The following ARHGAP18 variants were observed in gnomAD, a reference collection of about 807,000 sequenced individuals.
ARHGAP18 encodes the protein Rho GTPase activating protein 18.
Under a neutral mutation model 86.2 loss-of-function variants are expected in ARHGAP18, and 67 were observed. That is an observed-to-expected ratio of 0.78 (90% confidence interval 0.64 to 0.95). ARHGAP18 has a LOEUF of 0.95. ARHGAP18 is among the 40% of genes least tolerant of loss of function. ARHGAP18 has a pLI of 0.00. For synonymous variants in ARHGAP18, 283 were observed against 280.4 expected, an observed-to-expected ratio of 1.01 and a Z score of -0.09; for missense variants, 691 against 780.4, an observed-to-expected ratio of 0.89 and a Z score of 1.37.
chr6:129,583,104 G>T (rs1337945844), intron 13 of ARHGAP18, among the ~76,000 whole-genome samples: 1 of 152,178 alleles, frequency 6.6e-6, no homozygotes, highest in Admixed American at 6.5e-5. Flanking sequence ...AAGCTTGATT[G>T]AAGCCCCCAA....
chr6:129,593,382 G>T (rs996809938), intron 12 of ARHGAP18, among the ~76,000 whole-genome samples: 1 of 152,068 alleles, frequency 6.6e-6, no homozygotes, highest in African/African-American at 2.4e-5. Flanking sequence ...GATCCCTTGA[G>T]CCTGCAACTT....
intron 1 of ARHGAP18, among the ~76,000 whole-genome samples, chr6:129,668,498 C>T (rs1400773484): frequency 6.6e-6 from 1 of 152,096 alleles, no homozygotes; most frequent in Non-Finnish European, 1.5e-5. Flanking sequence ...AGTCCCAGGG[C>T]AGCCTGGTCC....
Position 129,611,439 on chromosome 6 carries a change from T to C in ARHGAP18, c.1122+94A>G, listed in dbSNP as rs1432424764. ...TTTATTTTATCTACTTTACTAACAA[T>C]GGAAAAAAGGGGTAGAGAGGACAAG... On this transcript the variant is annotated intron_variant, in intron 8 of 14. Coordinates refer to ENST00000368149, the MANE Select transcript of ARHGAP18 (RefSeq NM_033515.3). 1.9e-6 allele frequency: 2 copies of C among 1,027,110 alleles called. 1 individual carries two copies. The allele number at this position is 1,027,110 out of a possible 1,614,324, so 63.6% of individuals were successfully genotyped here. A position where few individuals can be genotyped will look rare whatever the true frequency, so the allele number is the denominator to read the frequency against.
At chr6:129,697,011 C>A (rs781058744) in intron 1 of ARHGAP18, among the ~76,000 whole-genome samples, 1 of 152,204 alleles carries the variant, frequency 6.6e-6, no homozygotes, top group Non-Finnish European at 1.5e-5. Flanking sequence ...TAGAACACAG[C>A]CAAGTGACAA....
intron 1 of ARHGAP18, among the ~76,000 whole-genome samples, chr6:129,683,064 T>G (rs1227711193): frequency 2.7e-5 from 4 of 150,192 alleles, no homozygotes; most frequent in Admixed American, 6.6e-5. Flanking sequence ...TCTTTTTTTT[T>G]TTTTGTTTTT....
intron 13 of ARHGAP18, among the ~76,000 whole-genome samples, chr6:129,580,633 T>C (rs1392215280): frequency 6.6e-6 from 1 of 152,204 alleles, no homozygotes; most frequent in East Asian, 1.9e-4. Context: ...ATGCCTGTAA[T>C]CCCAGCACTT....
At chr6:129,678,817 A>C (rs2114535167) in intron 1 of ARHGAP18, among the ~76,000 whole-genome samples, 1 of 152,356 alleles carries the variant, frequency 6.6e-6, no homozygotes, top group South Asian at 2.1e-4. Context: ...CTAAGTGCTT[A>C]AATTTTTCAA....
chr6:129,695,944 T>G (rs911102969), intron 1 of ARHGAP18, among the ~76,000 whole-genome samples: 27 of 151,948 alleles, frequency 1.8e-4, no homozygotes, highest in African/African-American at 6.0e-4. Context: ...AAAAAGCAAA[T>G]AGATTTTAGT....
intron 1 of ARHGAP18, among the ~76,000 whole-genome samples, chr6:129,656,341 A>T (rs1459416133): frequency 1.3e-5 from 2 of 152,206 alleles, no homozygotes; most frequent in Non-Finnish European, 2.9e-5. Flanking sequence ...AAAAGTGCTT[A>T]AAAATGTCAG....
intron 1 of ARHGAP18, among the ~76,000 whole-genome samples, chr6:129,674,338 G>C (rs1375570270): frequency 1.3e-5 from 2 of 152,172 alleles, no homozygotes; most frequent in African/African-American, 4.8e-5. Context: ...TGAAAACCAA[G>C]GGAGAATATG....
intron 1 of ARHGAP18, among the ~76,000 whole-genome samples, chr6:129,652,513 C>G (rs1773736520): frequency 6.6e-6 from 1 of 152,140 alleles, no homozygotes; most frequent in Non-Finnish European, 1.5e-5. Context: ...TTTCCACCTC[C>G]CCTCATATTC....
chr6:129,640,139 G>GA (rs1262316088), intron 2 of ARHGAP18, among the ~76,000 whole-genome samples: 4 of 148,744 alleles, frequency 2.7e-5, no homozygotes, highest in African/African-American at 1.0e-4. Flanking sequence ...CAGATTGCCA[G>GA]AAAAAAAACC....
chr6:129,674,030 A>G lies in ARHGAP18; in HGVS notation c.114-32012T>C, dbSNP rs558746652. On this transcript the variant is annotated intron_variant, in intron 1 of 14. Transcript: ENST00000368149. Reference sequence around the variant, plus strand: ...ACTGATTTGTTTTAAGCTTCTTCCCAACTCTACCTCTCCCCATCACTAAGG... The same window carrying G: ...ACTGATTTGTTTTAAGCTTCTTCCCGACTCTACCTCTCCCCATCACTAAGG... 2.6e-5 allele frequency among the ~76,000 whole-genome samples: 4 copies of G among 152,292 alleles called. No homozygotes were observed. The East Asian group carries it at 5.8e-4, about 22-fold the overall frequency.
intron 1 of ARHGAP18, among the ~76,000 whole-genome samples, chr6:129,689,479 G>T (rs540629310): frequency 1.9e-4 from 29 of 152,056 alleles, no homozygotes; most frequent in Non-Finnish European, 3.5e-4. Context: ...TTTTGGTAGA[G>T]ACAGGGTTTC....
chr6:129,604,481 T>C (rs1220218352), intron 10 of ARHGAP18, among the ~76,000 whole-genome samples: 1 of 152,154 alleles, frequency 6.6e-6, no homozygotes, highest in Non-Finnish European at 1.5e-5. Flanking sequence ...TGGGCATTGA[T>C]AGGGTCGTCA....
intron 13 of ARHGAP18, among the ~76,000 whole-genome samples, chr6:129,581,604 C>T (rs1788289988): frequency 1.3e-5 from 2 of 152,130 alleles, no homozygotes; most frequent in African/African-American, 4.8e-5. Context: ...ACTAGATTTC[C>T]TGGTATATTC....
chr6:129,701,983 A>G (rs1239754653), intron 1 of ARHGAP18, among the ~76,000 whole-genome samples: 1 of 152,164 alleles, frequency 6.6e-6, no homozygotes, highest in African/African-American at 2.4e-5. Context: ...TCCCCATATG[A>G]CCAGCTGCTG....
intron 1 of ARHGAP18, among the ~76,000 whole-genome samples, chr6:129,659,274 C>T (rs994106290): frequency 7.2e-5 from 11 of 152,092 alleles, no homozygotes; most frequent in Non-Finnish European, 1.5e-4. Flanking sequence ...CTCGTAGAGC[C>T]CAGCAGAGAC....
chr6:129,621,539 T>C (rs759598511), intron 5 of ARHGAP18, among the ~76,000 whole-genome samples: 1 of 152,196 alleles, frequency 6.6e-6, no homozygotes. Flanking sequence ...CATCACTTAC[T>C]ATGTGACCTT....
Sources: allele counts gnomAD v4.1 joint callset (sites outside exome capture counted in the v4.1 genomes callset), GRCh38; gene constraint gnomAD v4.1.1; transcripts MANE v1.5; gene names NCBI Gene and HGNC (gene_info 2026-07-23, HGNC 2026-07-21).